The following ZNF326 variants were observed in gnomAD, a reference collection of about 807,000 sequenced individuals.
ZNF326 encodes the protein zinc finger protein 326.
A neutral mutation model predicts 63.1 loss-of-function variants in ZNF326; 30 were observed. The ratio of observed to expected loss-of-function variants is 0.48; its 90% CI spans 0.36 to 0.64. The LOEUF (loss-of-function observed/expected upper bound fraction) is 0.64. ZNF326 is among the 30% of genes least tolerant of loss of function. ZNF326 has a pLI of 0.00. For missense variants in ZNF326, 609 were observed against 720.3 expected (o/e 0.85, Z 1.77); for synonymous variants, 194 against 228.2 (o/e 0.85, Z 1.35).
chr1:90,015,801 G>A (rs780517749), intron 7 of ZNF326, among the ~76,000 whole-genome samples: 16 of 152,224 alleles, frequency 1.1e-4, no homozygotes, highest in Non-Finnish European at 2.1e-4. Context: ...AGCCCAGGTA[G>A]AGGCCATGGC....
At chr1:90,026,979 T>C (rs1023976172) in intron 11 of ZNF326, among the ~76,000 whole-genome samples, 20 of 152,178 alleles carry the variant, frequency 1.3e-4, no homozygotes, top group Non-Finnish European at 2.5e-4. Context: ...GTAACATTAA[T>C]ACTCATATAA....
chr1:90,007,292 C>CT lies in ZNF326; in HGVS notation c.210-52dup, dbSNP rs1434518333. 22 of 1,501,230 alleles carry CT rather than the reference C, an allele frequency of 1.5e-5. No homozygotes were observed. The highest frequency in any genetic ancestry group is 1.3e-5 in the Non-Finnish European group (14 of 1,113,678). The allele number at this position is 1,501,230 out of a possible 1,614,324, so 93.0% of individuals were successfully genotyped here. Reference sequence around the variant, plus strand: ...TCTGATAATTTGTCTTTTGAATTGTCTAACATTAGTAAGCTTACTTTTGTT... The same window carrying CT: ...TCTGATAATTTGTCTTTTGAATTGTCTTAACATTAGTAAGCTTACTTTTGTT... On this transcript the variant is annotated intron_variant, in intron 4 of 11. Transcript: ENST00000340281. This position sits in a 1 kb window ranked among gnomAD's most constrained non-coding sequence, Gnocchi z 4.9.
chr1:90,024,423 T>G (rs975842865), intron 11 of ZNF326, among the ~76,000 whole-genome samples: 8 of 152,160 alleles, frequency 5.3e-5, no homozygotes, highest in African/African-American at 1.9e-4. Context: ...ACGGTTAGCT[T>G]TAATGTTTGT....
Position 90,029,310 on chromosome 1 carries a change from G to A in ZNF326, c.*1609G>A, listed in dbSNP as rs1236672885. The A allele has an allele frequency of 6.6e-6, 1 of 151,518 alleles. No individual in the cohort carries two copies. The highest frequency in any genetic ancestry group is 1.5e-5 in the Non-Finnish European group (1 of 67,908). 9.4% of individuals were successfully genotyped at this position (151,518 alleles called of 1,614,324 possible). A position where few individuals can be genotyped will look rare whatever the true frequency, so the allele number is the denominator to read the frequency against. On this transcript the variant is annotated 3_prime_UTR_variant, in exon 12 of 12. Transcript: ENST00000340281. ...GTTTTTTTTTTTTGAGGTGAACTAG[G>A]TTTGCCTAGCTTTAAGCTAGCAATA...
At chr1:90,003,598 A>G (rs1306956559) in intron 2 of ZNF326, among the ~76,000 whole-genome samples, 1 of 152,228 alleles carries the variant, frequency 6.6e-6, no homozygotes, top group Non-Finnish European at 1.5e-5. Context: ...AGTATCAGTA[A>G]AAGTTTTCTT....
At chr1:90,002,903 G>T (rs1172422872) in intron 2 of ZNF326, among the ~76,000 whole-genome samples, 1 of 152,036 alleles carries the variant, frequency 6.6e-6, no homozygotes, top group African/African-American at 2.4e-5. Flanking sequence ...ATAAAATGCA[G>T]ATTTTCCAAA....
At chr1:90,026,386 T>A (rs1484423050) in intron 11 of ZNF326, among the ~76,000 whole-genome samples, 1 of 152,176 alleles carries the variant, frequency 6.6e-6, no homozygotes, top group Non-Finnish European at 1.5e-5. Flanking sequence ...GCTTCACCAA[T>A]GCACTCTCTG....
At chr1:90,025,983 T>C (rs563451233) in intron 11 of ZNF326, among the ~76,000 whole-genome samples, 33 of 151,900 alleles carry the variant, frequency 2.2e-4, no homozygotes, top group South Asian at 4.2e-4. Context: ...TTTTTTTTTT[T>C]CGAGACAGAG....
chr1:90,010,163 G>A lies in ZNF326; in HGVS notation c.691G>A (p.Val231Ile). The A allele has an allele frequency of 6.2e-7, 1 of 1,613,878 alleles. No homozygotes were observed. The highest frequency in any genetic ancestry group is 8.5e-7 in the Non-Finnish European group (1 of 1,179,840). Residue 231 changes from valine to isoleucine, a missense_variant, in exon 6 of 12, where the codon GTT (valine) becomes ATT (isoleucine). Transcript: ENST00000340281. ...TCAAAACAAATCCACCAATGTGACA[G>A]TTGCTGCTGCAAGAGGAATAAAGAG... Reference protein sequence around the residue: ...DYQNKSTNVTVAAARGIKRKM... With the variant: ...DYQNKSTNVTIAAARGIKRKM...
rs750625042 is a variant in ZNF326 at position 90,001,756 on chromosome 1, C to T, written c.62-3247C>T. Reference sequence around the variant, plus strand: ...GTTTTTTAGTAGAGACGGAGTTTTACCATGTTGGTCAGGCTGGTCTTGAAC... The same window carrying T: ...GTTTTTTAGTAGAGACGGAGTTTTATCATGTTGGTCAGGCTGGTCTTGAAC... On this transcript the variant is annotated intron_variant, in intron 2 of 11. Transcript: ENST00000340281. 6.0e-4 allele frequency among the ~76,000 whole-genome samples: 92 copies of T among 152,096 alleles called. 1 individual carries two copies. The highest frequency in any genetic ancestry group is 3.4e-3 in the Middle Eastern group (1 of 294).
At chr1:90,021,069 A>G (rs905181457) in intron 10 of ZNF326, 147 bp downstream of exon 10, 10 of 862,042 alleles carry the variant, frequency 1.2e-5, no homozygotes, top group Non-Finnish European at 1.6e-5. Flanking sequence ...GAGAGGCAGT[A>G]TATAGTGGTT....
intron 7 of ZNF326, 119 bp downstream of exon 7, chr1:90,013,356 A>T (rs1649345726): frequency 1.1e-5 from 8 of 739,628 alleles, no homozygotes; most frequent in Middle Eastern, 6.1e-4. Context: ...TTGTTCAAAG[A>T]TACAGAGGAA....
At chr1:90,017,259 G>A in intron 7 of ZNF326, 58 bp from the exon 8 acceptor site, 1 of 1,207,700 alleles carries the variant, frequency 8.3e-7, no homozygotes, top group Non-Finnish European at 1.1e-6. Context: ...ATATTCTTAT[G>A]AACTCTTTAT....
rs764185068 is a variant in ZNF326, at chr1:90,013,160, G to A, written c.849G>A (p.Lys283=). ...KTDPKNEEEE[K]RRIEARREKQ... ...ATCCTAAAAATGAAGAGGAAGAAAA[G>A]CGGCGAATTGAGGCTCGGCGAGAGA... Residue 283 remains lysine (K), a synonymous_variant, in exon 7 of 12, where the codon AAG becomes AAA. Coordinates refer to ENST00000340281, the MANE Select transcript of ZNF326 (RefSeq NM_182976.4). 1.9e-6 allele frequency: 3 copies of A among 1,612,962 alleles called. No homozygotes were observed. Among genetic ancestry groups the A allele is most frequent in the South Asian group, 2.2e-5 (2 of 90,824 alleles).
chr1:89,998,350 G>T (rs1025405528), intron 2 of ZNF326, among the ~76,000 whole-genome samples, 196 bp downstream of exon 2: 5 of 151,474 alleles, frequency 3.3e-5, no homozygotes, highest in African/African-American at 1.2e-4. Context: ...ACATTAGTTT[G>T]ATTTTTTTTT....
chr1:90,020,774 A>G lies in ZNF326; in HGVS notation c.1175-18A>G. On this transcript the variant is annotated intron_variant, in intron 9 of 11. Transcript: ENST00000340281. ...TAACATATGAATTATTTCTTTAATAATTGGATGTCTTTTGTAGGTGTTACT... is the reference window on the plus strand; with the variant it reads ...TAACATATGAATTATTTCTTTAATAGTTGGATGTCTTTTGTAGGTGTTACT... 6.3e-7 allele frequency: 1 copy of G among 1,589,920 alleles called. No individual in the cohort carries two copies.
intron 2 of ZNF326, among the ~76,000 whole-genome samples, chr1:89,999,026 A>T (rs1191623318): frequency 1.3e-5 from 2 of 152,210 alleles, no homozygotes; most frequent in Admixed American, 1.3e-4. Flanking sequence ...AAGGCTTAAC[A>T]TATAGGGAGT....
chr1:89,995,136 G>C lies in ZNF326; in HGVS notation c.-122G>C, dbSNP rs562397548. 1.6e-6 allele frequency: 2 copies of C among 1,263,708 alleles called. No homozygotes were observed. Among genetic ancestry groups the C allele is most frequent in the African/African-American group, 1.6e-5 (1 of 64,120 alleles). 78.3% of individuals were successfully genotyped at this position (1,263,708 alleles called of 1,614,324 possible). On this transcript the variant is annotated 5_prime_UTR_variant, in exon 1 of 12. Coordinates refer to ENST00000340281, the MANE Select transcript of ZNF326 (RefSeq NM_182976.4). ...GCCTCGCTGTGGCCTGCGGCTCCCG[G>C]GCTGGTAGCGCGCCGCTCTCGGTCG... is the stretch of plus-strand genomic sequence containing the variant.
At chr1:90,014,109 A>G (rs1490103017) in intron 7 of ZNF326, among the ~76,000 whole-genome samples, 1 of 152,170 alleles carries the variant, frequency 6.6e-6, no homozygotes, top group African/African-American at 2.4e-5. Context: ...AATAACAACA[A>G]AAATCAGTTT....
Sources: allele counts gnomAD v4.1 joint callset (sites outside exome capture counted in the v4.1 genomes callset), GRCh38; gene constraint gnomAD v4.1.1; non-coding constraint Gnocchi (gnomAD v3.1); transcripts MANE v1.5; gene names NCBI Gene and HGNC (gene_info 2026-07-23, HGNC 2026-07-21).